The following DLGAP2 variants were observed in gnomAD, a reference collection of about 807,000 sequenced individuals.
The protein encoded by DLGAP2 is DLG associated protein 2.
DLGAP2 carries 26 observed loss-of-function variants against 100.3 expected under a neutral mutation model. The ratio of observed to expected loss-of-function variants is 0.26; its 90% confidence interval spans 0.19 to 0.36. The LOEUF is 0.36. Among genes scored for constraint, DLGAP2 ranks in the 10% least tolerant of loss-of-function variants. DLGAP2 has a pLI of 1.00. For synonymous variants in DLGAP2, 886 were observed against 630.1 expected, an observed-to-expected ratio of 1.41 and a Z score of -6.08; for missense variants, 1,858 against 1,453.2, an observed-to-expected ratio of 1.28 and a Z score of -4.53.
intron 1 of DLGAP2, among the ~76,000 whole-genome samples, chr8:787,518 C>G (rs553512286): frequency 3.9e-5 from 6 of 152,352 alleles, no homozygotes; most frequent in South Asian, 4.1e-4. Context: ...CCATGGACCA[C>G]TCAGGATGTG....
chr8:1,132,493 A>G (rs1162139596), intron 2 of DLGAP2, among the ~76,000 whole-genome samples: 1 of 152,274 alleles, frequency 6.6e-6, no homozygotes, highest in Non-Finnish European at 1.5e-5. Flanking sequence ...TGCAGCAGTG[A>G]ATACAAAACT....
intron 1 of DLGAP2, among the ~76,000 whole-genome samples, chr8:828,399 A>T (rs1231222725): frequency 6.6e-6 from 1 of 152,216 alleles, no homozygotes; most frequent in African/African-American, 2.4e-5. Context: ...GAGAAAAGGA[A>T]TTCAGCGATA....
intron 6 of DLGAP2, among the ~76,000 whole-genome samples, chr8:1,614,682 T>C (rs554770231): frequency 2.7e-4 from 41 of 152,352 alleles, no homozygotes; most frequent in African/African-American, 9.1e-4. Flanking sequence ...AGAACTGATA[T>C]GCAGGTTGGC....
intron 2 of DLGAP2, among the ~76,000 whole-genome samples, chr8:1,091,899 C>G (rs545223155): frequency 6.6e-6 from 1 of 152,290 alleles, no homozygotes; most frequent in East Asian, 1.9e-4. Context: ...CTCTAACGCA[C>G]AGCTCCCCAC....
At chr8:835,275 C>G (rs1361327149) in intron 1 of DLGAP2, among the ~76,000 whole-genome samples, 1 of 151,866 alleles carries the variant, frequency 6.6e-6, no homozygotes, top group Non-Finnish European at 1.5e-5. Flanking sequence ...TCTTTATATT[C>G]TTGAAATATT....
In DLGAP2 at chr8:1,549,476, G is replaced by A. The variant is rs371562156; in HGVS notation, c.1023G>A (p.Lys341=). 71 of 1,613,398 alleles carry A rather than the reference G, an allele frequency of 4.4e-5. No homozygotes were observed. In the African/African-American group the frequency reaches 7.1e-4, roughly 16 times the overall value. Residue 341 remains lysine (K), a synonymous_variant, in exon 5 of 15, where the codon AAG becomes AAA. Transcript: ENST00000637795. ...LQSPFGDLSL[K]TSKSNNDVKC... ...GCCCCTTCGGGGACCTGTCCCTCAA[G>A]ACCTCCAAGAGCAACAACGACGTCA... is the stretch of plus-strand genomic sequence containing the variant.
At chr8:1,060,713 T>C (rs1203871821) in intron 2 of DLGAP2, among the ~76,000 whole-genome samples, 1 of 152,204 alleles carries the variant, frequency 6.6e-6, no homozygotes, top group Non-Finnish European at 1.5e-5. Context: ...GATGGTGGTG[T>C]CCTCACTGAA....
intron 1 of DLGAP2, among the ~76,000 whole-genome samples, chr8:748,560 G>A (rs543292569): frequency 2.6e-5 from 4 of 152,300 alleles, no homozygotes; most frequent in African/African-American, 9.6e-5. Context: ...AAAGCATAGA[G>A]GAGCCGAGAG....
At chr8:744,241 G>C (rs1820559287) in intron 1 of DLGAP2, among the ~76,000 whole-genome samples, 1 of 152,192 alleles carries the variant, frequency 6.6e-6, no homozygotes, top group Non-Finnish European at 1.5e-5. Flanking sequence ...CGACCCACGA[G>C]ATTGGGTTGG....
chr8:1,149,399 G>A (rs528834872), intron 2 of DLGAP2, among the ~76,000 whole-genome samples: 1 of 151,966 alleles, frequency 6.6e-6, no homozygotes, highest in African/African-American at 2.4e-5. Flanking sequence ...CGCTCACCTC[G>A]GCCTCCCAAA....
intron 2 of DLGAP2, among the ~76,000 whole-genome samples, chr8:1,049,208 G>A (rs969871470): frequency 1.3e-5 from 2 of 152,146 alleles, no homozygotes; most frequent in East Asian, 1.9e-4. Flanking sequence ...CTCGAGTTAC[G>A]GGGGAAAATG....
At chr8:1,179,019 A>T (rs1358338966) in intron 2 of DLGAP2, among the ~76,000 whole-genome samples, 1 of 152,228 alleles carries the variant, frequency 6.6e-6, no homozygotes, top group Non-Finnish European at 1.5e-5. Flanking sequence ...CCCCTGCTGT[A>T]AAACTCCCAG....
At chr8:1,317,084 C>T (rs1319445857) in intron 3 of DLGAP2, among the ~76,000 whole-genome samples, 1 of 134,400 alleles carries the variant, frequency 7.4e-6, no homozygotes, top group Non-Finnish European at 1.6e-5. Context: ...ACTCGAGACA[C>T]TCGGCAGCGT....
At chr8:766,760 C>T in intron 1 of DLGAP2, among the ~76,000 whole-genome samples, 1 of 152,178 alleles carries the variant, frequency 6.6e-6, no homozygotes, top group South Asian at 2.1e-4. Context: ...GTCAACACTG[C>T]CAGCGTCAGA....
At position 1,010,933 on chromosome 8, in the gene DLGAP2, C is replaced by T. The variant is rs1193434500; in HGVS notation, c.73+102967C>T. On this transcript the variant is annotated intron_variant, in intron 2 of 14. Coordinates refer to ENST00000637795, the MANE Select transcript of DLGAP2 (RefSeq NM_001346810.2). ...ACACAGTGGGCCCCAGGCGAGGGGC[C>T]TCAGTCTACACAGTGAACCCCGGGC... is the stretch of plus-strand genomic sequence containing the variant. Among the ~76,000 whole-genome samples the T allele has an allele frequency of 2.0e-5, 3 of 151,802 alleles. 1 individual carries two copies. Among genetic ancestry groups the T allele is most frequent in the Middle Eastern group, 6.8e-3 (2 of 294 alleles).
At chr8:1,254,887 G>A (rs61215430) in intron 2 of DLGAP2, among the ~76,000 whole-genome samples, 15 of 151,014 alleles carry the variant, frequency 9.9e-5, no homozygotes, top group Admixed American at 7.2e-4. Flanking sequence ...TCTCCTGCCC[G>A]CGTGCTGTGT....
Position 792,648 on chromosome 8 carries a change from T to C in DLGAP2, c.18+54823T>C, listed in dbSNP as rs116176318. ...CATTGTTTGTATCTCTGTGTCAGAA[T>C]AAAAATGGATTGATCTTAGTTAGAA... On this transcript the variant is annotated intron_variant, in intron 1 of 14. Coordinates refer to ENST00000637795, the MANE Select transcript of DLGAP2 (RefSeq NM_001346810.2). 3.5e-3 allele frequency among the ~76,000 whole-genome samples: 528 copies of C among 152,340 alleles called. 3 individuals are homozygous for C. Among genetic ancestry groups the C allele is most frequent in the African/African-American group, 0.012 (499 of 41,590 alleles).
intron 3 of DLGAP2, among the ~76,000 whole-genome samples, chr8:1,271,461 A>G (rs1173722036): frequency 6.6e-6 from 1 of 152,162 alleles, no homozygotes; most frequent in African/African-American, 2.4e-5. Context: ...TATTCACTTC[A>G]TGTGTCTTGC....
intron 3 of DLGAP2, among the ~76,000 whole-genome samples, chr8:1,379,878 G>A (rs980185703): frequency 1.2e-5 from 1 of 85,362 alleles, no homozygotes; most frequent in East Asian, 2.2e-4. Context: ...GCTGATTTGG[G>A]GTGCCTTCCC....
Sources: allele counts gnomAD v4.1 joint callset (sites outside exome capture counted in the v4.1 genomes callset), GRCh38; gene constraint gnomAD v4.1.1; transcripts MANE v1.5; gene names NCBI Gene and HGNC (gene_info 2026-07-23, HGNC 2026-07-21).